Variants in TMTC2 observed in about 807,000 individuals in gnomAD.
TMTC2 encodes the protein transmembrane O-mannosyltransferase targeting cadherins 2.
TMTC2 carries 43 observed loss-of-function variants against 82.4 expected under a neutral mutation model. The ratio of observed to expected loss-of-function variants is 0.52; its 90% CI spans 0.41 to 0.67. The LOEUF (loss-of-function observed/expected upper bound fraction) is 0.67. TMTC2 is among the 30% of genes least tolerant of loss of function. TMTC2 has a pLI of 0.00. For missense variants in TMTC2, 919 were observed against 1,012.4 expected, an observed-to-expected ratio of 0.91 and a Z score of 1.25; for synonymous variants, 408 against 381.9, an observed-to-expected ratio of 1.07 and a Z score of -0.80.
intron 1 of TMTC2, among the ~76,000 whole-genome samples, chr12:82,762,425 G>A (rs908900694): frequency 2.6e-5 from 4 of 152,248 alleles, no homozygotes; most frequent in Admixed American, 6.5e-5. Flanking sequence ...GTCGTTTACC[G>A]TATACATAAT....
intron 1 of TMTC2, among the ~76,000 whole-genome samples, chr12:82,729,538 C>T (rs1369167014): frequency 6.6e-6 from 1 of 152,152 alleles, no homozygotes; most frequent in African/African-American, 2.4e-5. Context: ...TTTGTGTGGA[C>T]ACTGTGTATC....
intron 8 of TMTC2, among the ~76,000 whole-genome samples, chr12:83,018,856 T>C (rs1880793394): frequency 6.6e-6 from 1 of 152,246 alleles, no homozygotes; most frequent in African/African-American, 2.4e-5. Context: ...TTTTGCAAGA[T>C]GTTTAGCATT....
Position 83,021,617 on chromosome 12 carries a change from TAG to T in TMTC2, c.2071-9178_2071-9177del, listed in dbSNP as rs530095142. On this transcript the variant is annotated intron_variant, in intron 8 of 11. Coordinates refer to ENST00000321196, the MANE Select transcript of TMTC2 (RefSeq NM_152588.3). ...CTATAAAAAAAATTTTTTTTTAATG[TAG>T]AGTCATCTTTGACTCTTCTTTTTCC... Among the ~76,000 whole-genome samples the T allele has an allele frequency of 3.7e-3, 569 of 151,812 alleles. 3 individuals carry two copies. The highest frequency in any genetic ancestry group is 0.027 in the Admixed American group (418 of 15,232).
In TMTC2 at chr12:83,121,447, GTC is replaced by G. The variant is rs532535149; in HGVS notation, c.2332-10761_2332-10760del. 3.5e-4 allele frequency among the ~76,000 whole-genome samples: 53 copies of G among 152,254 alleles called. No individual in the cohort carries two copies. The South Asian group carries it at 0.011, about 32-fold the overall frequency. ...TTTTCTGGATCTAGCCACCCAGCAA[GTC>G]TACCAGGCTCTGTGCTGGTACTGAG... On this transcript the variant is annotated intron_variant, in intron 11 of 11. Transcript: ENST00000321196.
chr12:82,825,462 A>T (rs964181079), intron 1 of TMTC2, among the ~76,000 whole-genome samples: 7 of 152,152 alleles, frequency 4.6e-5, no homozygotes, highest in African/African-American at 1.7e-4. Flanking sequence ...GGCTGTTCGT[A>T]AAATTGCTTT....
At chr12:82,837,151 A>G (rs546975978) in intron 1 of TMTC2, among the ~76,000 whole-genome samples, 2 of 152,364 alleles carry the variant, frequency 1.3e-5, no homozygotes, top group African/African-American at 4.8e-5. Context: ...CATATGGTCC[A>G]CTTTGTCATA....
chr12:82,859,722 G>T (rs140407861), intron 2 of TMTC2, among the ~76,000 whole-genome samples: 29 of 152,168 alleles, frequency 1.9e-4, no homozygotes, highest in African/African-American at 7.0e-4. Flanking sequence ...AGTTCCCCAT[G>T]TTAAGAGAAA....
intron 1 of TMTC2, among the ~76,000 whole-genome samples, chr12:82,835,456 G>T (rs139396394): frequency 6.6e-6 from 1 of 152,140 alleles, no homozygotes; most frequent in East Asian, 1.9e-4. Context: ...CTATCCTGTA[G>T]CTGCTAGATT....
intron 1 of TMTC2, among the ~76,000 whole-genome samples, chr12:82,741,241 T>C (rs907167257): frequency 6.6e-6 from 1 of 152,166 alleles, no homozygotes; most frequent in Non-Finnish European, 1.5e-5. Context: ...GGTGGTTTGT[T>C]TGTTTGTTTT....
At position 82,851,345 on chromosome 12, in the gene TMTC2, G is replaced by A. The variant is rs1205301498; in HGVS notation, c.84-5665G>A. Among the ~76,000 whole-genome samples, 8 of 152,066 alleles carry A rather than the reference G, an allele frequency of 5.3e-5. 1 individual carries two copies. The highest frequency in any genetic ancestry group is 3.9e-4 in the East Asian group (2 of 5,186). ...CTGGGGAGGCTGAGGCAGGAGAATC[G>A]CTTGAACCCAGAAGGTGGAGGGATC... On this transcript the variant is annotated intron_variant, in intron 1 of 11. Coordinates refer to ENST00000321196, the MANE Select transcript of TMTC2 (RefSeq NM_152588.3).
intron 7 of TMTC2, among the ~76,000 whole-genome samples, chr12:82,971,192 A>G (rs959466717): frequency 6.6e-6 from 1 of 151,660 alleles, no homozygotes; most frequent in African/African-American, 2.4e-5. Flanking sequence ...TACAGTTTGT[A>G]TTAGAACCAG....
At chr12:82,774,490 A>G (rs1016083781) in intron 1 of TMTC2, among the ~76,000 whole-genome samples, 20 of 151,950 alleles carry the variant, frequency 1.3e-4, no homozygotes, top group Non-Finnish European at 2.2e-4. Context: ...GCATGGTGGC[A>G]TGCACCTGTA....
At chr12:82,797,906 G>T (rs1183171205) in intron 1 of TMTC2, among the ~76,000 whole-genome samples, 2 of 150,222 alleles carry the variant, frequency 1.3e-5, no homozygotes. Flanking sequence ...TGCTTTTTTA[G>T]AGTAGTAATT....
chr12:82,928,321 G>A (rs1230462416), intron 3 of TMTC2, among the ~76,000 whole-genome samples: 2 of 152,042 alleles, frequency 1.3e-5, no homozygotes, highest in Non-Finnish European at 2.9e-5. Context: ...AACTTTGGGA[G>A]GAATAGGGGT....
At chr12:82,778,690 A>G (rs1471815900) in intron 1 of TMTC2, among the ~76,000 whole-genome samples, 1 of 151,776 alleles carries the variant, frequency 6.6e-6, no homozygotes, top group Non-Finnish European at 1.5e-5. Context: ...TCTACTAAAA[A>G]TACAAAAAAT....
intron 10 of TMTC2, among the ~76,000 whole-genome samples, chr12:83,053,895 C>T (rs766503041): frequency 2.0e-4 from 31 of 152,204 alleles, no homozygotes; most frequent in Admixed American, 3.3e-4. Flanking sequence ...CACCAGAACA[C>T]TCTGAGGTGG....
At chr12:83,099,681 T>C (rs1046439287) in intron 11 of TMTC2, among the ~76,000 whole-genome samples, 2 of 152,100 alleles carry the variant, frequency 1.3e-5, no homozygotes, top group Admixed American at 6.5e-5. Flanking sequence ...TTCTTGTTCT[T>C]CATCACTTGA....
intron 1 of TMTC2, among the ~76,000 whole-genome samples, chr12:82,797,101 T>G (rs148169032): frequency 1.3e-5 from 2 of 152,184 alleles, no homozygotes; most frequent in Admixed American, 6.5e-5. Flanking sequence ...GTTCATACTT[T>G]ACATTGTTCG....
intron 8 of TMTC2, among the ~76,000 whole-genome samples, chr12:83,019,170 A>AG (rs1491248451): frequency 1.4e-4 from 20 of 147,814 alleles, no homozygotes; most frequent in African/African-American, 4.5e-4. Context: ...AAAAAAAAAA[A>AG]CATACACATT....
Sources: allele counts gnomAD v4.1 joint callset (sites outside exome capture counted in the v4.1 genomes callset), GRCh38; gene constraint gnomAD v4.1.1; transcripts MANE v1.5; gene names NCBI Gene and HGNC (gene_info 2026-07-23, HGNC 2026-07-21).